Variants in CAMTA1 observed in about 807,000 individuals in gnomAD.
CAMTA1 encodes calmodulin-binding transcription activator 1.
CAMTA1 carries 27 observed loss-of-function variants against 170.9 expected under a neutral mutation model. That is an observed-to-expected ratio of 0.16 (90% CI 0.12 to 0.22). The LOEUF (loss-of-function observed/expected upper bound fraction) is 0.22, where lower values mean the gene tolerates loss of function less well. Ranked by LOEUF, CAMTA1 falls within the 10% of genes least tolerant of loss-of-function variation. CAMTA1 has a pLI of 1.00. For synonymous variants in CAMTA1, 833 were observed against 891.5 expected, an observed-to-expected ratio of 0.93 and a Z score of 1.17; for missense variants, 1,619 against 2,217.2, an observed-to-expected ratio of 0.73 and a Z score of 5.42.
chr1:7,261,476 A>G (rs904268861), intron 5 of CAMTA1, among the ~76,000 whole-genome samples: 11 of 152,208 alleles, frequency 7.2e-5, no homozygotes, highest in African/African-American at 1.9e-4. Flanking sequence ...TAGATCTCAG[A>G]TTTCCAACGG....
intron 1 of CAMTA1, among the ~76,000 whole-genome samples, chr1:6,793,947 G>A (rs546551685): frequency 6.6e-6 from 1 of 152,128 alleles, no homozygotes; most frequent in Non-Finnish European, 1.5e-5. Context: ...AATCATTTGG[G>A]AGTGATAATA....
At chr1:7,385,452 C>A (rs933440431) in intron 5 of CAMTA1, among the ~76,000 whole-genome samples, 2 of 152,174 alleles carry the variant, frequency 1.3e-5, no homozygotes, top group African/African-American at 4.8e-5. Context: ...GTTTGAATAG[C>A]GTCTCTGCAG....
At chr1:7,603,124 AGGTGT>A (rs1487312750) in intron 6 of CAMTA1, among the ~76,000 whole-genome samples, 3 of 152,202 alleles carry the variant, frequency 2.0e-5, no homozygotes, top group East Asian at 3.8e-4. Context: ...ATTTTGGAAT[AGGTGT>A]GGTGTGGTGC....
intron 1 of CAMTA1, among the ~76,000 whole-genome samples, chr1:6,815,861 C>T (rs1322816048): frequency 6.6e-6 from 1 of 152,150 alleles, no homozygotes; most frequent in African/African-American, 2.4e-5. Flanking sequence ...AAAGAAGATC[C>T]TAAGATAACC....
At chr1:6,818,771 C>T (rs1646134053) in intron 1 of CAMTA1, among the ~76,000 whole-genome samples, 1 of 152,068 alleles carries the variant, frequency 6.6e-6, no homozygotes, top group South Asian at 2.1e-4. Context: ...CCCCAGGTAT[C>T]TGGGACCATA....
rs566450241 is a variant in CAMTA1, at chr1:7,637,965, C to A, written c.511-2435C>A. 9.1e-4 allele frequency among the ~76,000 whole-genome samples: 138 copies of A among 152,344 alleles called. 1 individual carries two copies. Among genetic ancestry groups the A allele is most frequent in the African/African-American group, 3.2e-3 (134 of 41,574 alleles). Reference sequence around the variant, plus strand: ...CGCCATTAAGGAGAAGGCTCCTGTTCGTGTTGATTGAGTTTCCTGGTTAAC... The same window carrying A: ...CGCCATTAAGGAGAAGGCTCCTGTTAGTGTTGATTGAGTTTCCTGGTTAAC... On this transcript the variant is annotated intron_variant, in intron 6 of 22. Coordinates refer to ENST00000303635, the MANE Select transcript of CAMTA1 (RefSeq NM_015215.4).
intron 6 of CAMTA1, among the ~76,000 whole-genome samples, chr1:7,542,082 G>A (rs1174836670): frequency 6.6e-6 from 1 of 151,860 alleles, no homozygotes; most frequent in African/African-American, 2.4e-5. Context: ...AAGGCAAACA[G>A]GCTCATTATA....
chr1:7,037,767 G>A (rs1703829203), intron 3 of CAMTA1, among the ~76,000 whole-genome samples: 1 of 151,792 alleles, frequency 6.6e-6, no homozygotes, highest in African/African-American at 2.4e-5. Flanking sequence ...GAACCCGGGA[G>A]GCGGAGCTTG....
At chr1:7,327,424 A>G (rs2082756784) in intron 5 of CAMTA1, among the ~76,000 whole-genome samples, 1 of 151,210 alleles carries the variant, frequency 6.6e-6, no homozygotes. Flanking sequence ...AAAAAAAAAA[A>G]AGAAAAAAGA....
At chr1:6,956,596 A>C (rs1160979281) in intron 3 of CAMTA1, among the ~76,000 whole-genome samples, 2 of 152,162 alleles carry the variant, frequency 1.3e-5, no homozygotes, top group African/African-American at 4.8e-5. Context: ...AATTCTCTTA[A>C]ATGAACTTGT....
intron 3 of CAMTA1, among the ~76,000 whole-genome samples, chr1:6,855,449 C>T (rs945469703): frequency 2.6e-5 from 4 of 151,558 alleles, no homozygotes; most frequent in African/African-American, 7.3e-5. Context: ...TGTCTTACAT[C>T]GCCAGAGCAG....
intron 5 of CAMTA1, among the ~76,000 whole-genome samples, chr1:7,305,768 A>T (rs138572369): frequency 2.0e-4 from 31 of 152,200 alleles, no homozygotes; most frequent in African/African-American, 7.2e-4. Context: ...TGCGTTAGAT[A>T]GTAAGTGTAT....
At chr1:7,438,385 T>C (rs559606451) in intron 5 of CAMTA1, among the ~76,000 whole-genome samples, 6 of 152,252 alleles carry the variant, frequency 3.9e-5, no homozygotes, top group African/African-American at 1.4e-4. Flanking sequence ...AAGTGATGAG[T>C]GAGCCAGGGT....
In CAMTA1 at chr1:7,435,783, A is replaced by G. The variant is rs553903435; in HGVS notation, c.439-32047A>G. 2.0e-5 allele frequency among the ~76,000 whole-genome samples: 3 copies of G among 152,276 alleles called. No homozygotes were observed. The highest frequency in any genetic ancestry group is 2.0e-4 in the Admixed American group (3 of 15,296). ...TCTGAAGTCAGGGCAATCCACGCAG[A>G]GAGCCCTCCTCATGGCCCGGCTCAG... On this transcript the variant is annotated intron_variant, in intron 5 of 22. Transcript: ENST00000303635. The surrounding 1 kb of genome is among the most constrained non-coding windows in gnomAD (Gnocchi z 4.4).
chr1:7,109,674 T>C lies in CAMTA1; in HGVS notation c.302+18303T>C, dbSNP rs1017827858. 2.0e-5 allele frequency among the ~76,000 whole-genome samples: 3 copies of C among 152,208 alleles called. No individual in the cohort carries two copies. The South Asian group carries it at 6.2e-4, about 32-fold the overall frequency. ...GTGCAATCTGCAAAGAGACATTCTG[T>C]GCTTATGGCTCCACAGACCACCGAT... On this transcript the variant is annotated intron_variant, in intron 4 of 22. Coordinates refer to ENST00000303635, the MANE Select transcript of CAMTA1 (RefSeq NM_015215.4).
At chr1:7,017,086 G>A (rs937018320) in intron 3 of CAMTA1, among the ~76,000 whole-genome samples, 14 of 152,286 alleles carry the variant, frequency 9.2e-5, no homozygotes, top group Middle Eastern at 3.4e-3. Context: ...CTCTCACACA[G>A]AAGAGGAATA....
chr1:6,831,188 A>G (rs911906068), intron 3 of CAMTA1, among the ~76,000 whole-genome samples: 19 of 152,226 alleles, frequency 1.2e-4, no homozygotes, highest in Non-Finnish European at 2.8e-4. Context: ...TTAAAAATAG[A>G]AATTTTGTAC....
chr1:7,670,769 C>T (rs1296357238), intron 9 of CAMTA1, 142 bp from the exon 10 acceptor site: 4 of 910,296 alleles, frequency 4.4e-6, no homozygotes, highest in Non-Finnish European at 5.0e-6. Context: ...TCACTGCAAT[C>T]CCTGGAGTGA....
At chr1:6,905,536 C>G (rs980696034) in intron 3 of CAMTA1, among the ~76,000 whole-genome samples, 2 of 152,080 alleles carry the variant, frequency 1.3e-5, no homozygotes, top group African/African-American at 4.8e-5. Flanking sequence ...CTTGCCCCAC[C>G]CCTGCCACCA....
Sources: allele counts gnomAD v4.1 joint callset (sites outside exome capture counted in the v4.1 genomes callset), GRCh38; gene constraint gnomAD v4.1.1; non-coding constraint Gnocchi (gnomAD v3.1); transcripts MANE v1.5; gene names NCBI Gene and HGNC (gene_info 2026-07-23, HGNC 2026-07-21).